DSTYK: variants seen among roughly 807,000 people sequenced by gnomAD.
DSTYK encodes dual serine/threonine and tyrosine protein kinase.
In DSTYK, 34 loss-of-function variants were observed where a neutral mutation model predicts 98.7. The observed-to-expected ratio is 0.34, with a 90% CI of 0.26 to 0.46. The LOEUF is 0.46. Ranked by LOEUF, DSTYK falls within the 20% of genes least tolerant of loss-of-function variation. The pLI is 1.00. For synonymous variants in DSTYK, 462 were observed against 457.3 expected, an observed-to-expected ratio of 1.01 and a Z score of -0.13; for missense variants, 962 against 1,181.7, an observed-to-expected ratio of 0.81 and a Z score of 2.73.
At chr1:205,149,254 A>G (rs1657335453) in intron 11 of DSTYK, among the ~76,000 whole-genome samples, 1 of 151,964 alleles carries the variant, frequency 6.6e-6, no homozygotes, top group African/African-American at 2.4e-5. Context: ...ATGACTATCT[A>G]CTTGGTTCAG....
Position 205,147,383 on chromosome 1 carries a change from A to G in DSTYK, c.*175T>C. The G allele has an allele frequency of 1.8e-6, 1 of 553,402 alleles. No individual in the cohort carries two copies. Among genetic ancestry groups the G allele is most frequent in the East Asian group, 2.8e-5 (1 of 35,700 alleles). The allele number at this position is 553,402 out of a possible 1,614,324, so 34.3% of individuals were successfully genotyped here. On this transcript the variant is annotated 3_prime_UTR_variant, in exon 13 of 13. Coordinates refer to ENST00000367162, the MANE Select transcript of DSTYK (RefSeq NM_015375.3). Reference sequence around the variant, plus strand: ...AGTGAGCTGCTGAATATGCTCAGTCATTCAACTCTTCACTGTCCAGGAGTC... The same window carrying G: ...AGTGAGCTGCTGAATATGCTCAGTCGTTCAACTCTTCACTGTCCAGGAGTC...
At chr1:205,148,414 T>C in intron 11 of DSTYK, 75 bp from the exon 12 acceptor site, 3 of 1,581,558 alleles carry the variant, frequency 1.9e-6, no homozygotes, top group Non-Finnish European at 1.7e-6. Flanking sequence ...CTTGCCTCAG[T>C]AGAGGGTTGG....
chr1:205,182,498 T>TAG (rs1553364859), intron 2 of DSTYK, among the ~76,000 whole-genome samples: 2 of 77,738 alleles, frequency 2.6e-5, no homozygotes, highest in Non-Finnish European at 4.5e-5. Context: ...TTAAAAACGG[T>TAG]AAAAAAAAAA....
intron 9 of DSTYK, 110 bp from the exon 10 acceptor site, chr1:205,157,496 C>T (rs543078238): frequency 1.6e-4 from 131 of 835,580 alleles, no homozygotes; most frequent in South Asian, 6.2e-4. Flanking sequence ...GGGGAAGAGC[C>T]GGGCACAGTG....
At chr1:205,209,791 C>T (rs1009264050) in intron 1 of DSTYK, among the ~76,000 whole-genome samples, 1 of 152,130 alleles carries the variant, frequency 6.6e-6, no homozygotes, top group Non-Finnish European at 1.5e-5. Context: ...TCATCCAGTT[C>T]TAAGCCTTGT....
rs758360038 is a variant in DSTYK at position 205,181,653 on chromosome 1, G to GGGGTGTGTGTGT, written c.654+5764_654+5765insACACACACACCC. Among the ~76,000 whole-genome samples, 43 of 84,046 alleles carry GGGGTGTGTGTGT rather than the reference G, an allele frequency of 5.1e-4. 1 individual carries two copies. Among genetic ancestry groups the GGGGTGTGTGTGT allele is most frequent in the East Asian group, 3.6e-3 (14 of 3,940 alleles). The allele number at this position is 84,046 out of a possible 152,430, so 55.1% of individuals were successfully genotyped here. On this transcript the variant is annotated intron_variant, in intron 2 of 12. Coordinates refer to ENST00000367162, the MANE Select transcript of DSTYK (RefSeq NM_015375.3). ...CACAGATGTGAGCCACAGATGTTGG[G>GGGGTGTGTGTGT]GTTTGTGTGTGTGTGTGTGTGTGTG...
At chr1:205,193,870 C>CA (rs61391440) in intron 1 of DSTYK, among the ~76,000 whole-genome samples, 9,897 of 97,820 alleles carry the variant, frequency 0.1, 440 homozygotes, top group Non-Finnish European at 0.13. Flanking sequence ...GACTCCGTCT[C>CA]AAAAAAAAAA....
chr1:205,161,791 C>T (rs916660987), intron 6 of DSTYK, among the ~76,000 whole-genome samples: 19 of 152,008 alleles, frequency 1.2e-4, no homozygotes, highest in Non-Finnish European at 2.1e-4. Context: ...TCCATTCTCC[C>T]GAGAGTTAGG....
intron 1 of DSTYK, among the ~76,000 whole-genome samples, chr1:205,206,251 T>G (rs1159805678): frequency 6.6e-6 from 1 of 152,040 alleles, no homozygotes; most frequent in Non-Finnish European, 1.5e-5. Flanking sequence ...CATAGCACCT[T>G]AGCAGGCACT....
chr1:205,169,455 G>A lies in DSTYK; in HGVS notation c.1032C>T (p.Ser344=), dbSNP rs1317412624. The A allele has an allele frequency of 1.2e-6, 2 of 1,614,122 alleles. No homozygotes were observed. Among genetic ancestry groups the A allele is most frequent in the Non-Finnish European group, 1.7e-6 (2 of 1,180,016 alleles). Residue 344 remains serine, a synonymous_variant, in exon 3 of 13, where the codon AGC becomes AGT. Coordinates refer to ENST00000367162, the MANE Select transcript of DSTYK (RefSeq NM_015375.3). This position sits in a 1 kb window ranked among gnomAD's most constrained non-coding sequence, Gnocchi z 4.0. ...VEQSEKLRHL[S]TFSHQVLQTR... ...TCTGTAACACCTGGTGAGAAAATGT[G>A]CTCAAGTGTCTCAGCTTTTCACTCT...
chr1:205,161,440 C>T, intron 6 of DSTYK, 53 bp from the exon 7 acceptor site: 2 of 1,586,224 alleles, frequency 1.3e-6, no homozygotes, highest in East Asian at 2.2e-5. Context: ...GCTTCAGCTT[C>T]CTCACCTGTT....
intron 1 of DSTYK, among the ~76,000 whole-genome samples, chr1:205,193,448 A>G (rs1461295418): frequency 5.3e-5 from 8 of 152,188 alleles, no homozygotes; most frequent in Non-Finnish European, 1.2e-4. Flanking sequence ...ACTTTGAACT[A>G]AAGGAGATTG....
chr1:205,157,133 C>A (rs747722126), intron 10 of DSTYK, 140 bp downstream of exon 10: 9 of 662,838 alleles, frequency 1.4e-5, no homozygotes, highest in Non-Finnish European at 2.4e-5. Flanking sequence ...TTAGGTATGT[C>A]TTTACTAGCA....
Position 205,175,104 on chromosome 1 carries a change from T to C in DSTYK, c.655-5272A>G, listed in dbSNP as rs568675518. ...TTGGCACCCACAAAGAAGCTGCCCTTTTTTTTTTTTTTTCTGAGACAGAGT... is the reference window on the plus strand; with the variant it reads ...TTGGCACCCACAAAGAAGCTGCCCTCTTTTTTTTTTTTTCTGAGACAGAGT... On this transcript the variant is annotated intron_variant, in intron 2 of 12. Coordinates refer to ENST00000367162, the MANE Select transcript of DSTYK (RefSeq NM_015375.3). Among the ~76,000 whole-genome samples the C allele has an allele frequency of 5.1e-4, 72 of 141,394 alleles. 1 individual carries two copies. In the East Asian group the frequency reaches 0.011, roughly 22 times the overall value. The allele number at this position is 141,394 out of a possible 152,430, so 92.8% of individuals were successfully genotyped here.
At chr1:205,153,371 C>T (rs1431745000) in intron 10 of DSTYK, among the ~76,000 whole-genome samples, 1 of 152,170 alleles carries the variant, frequency 6.6e-6, no homozygotes, top group African/African-American at 2.4e-5. Flanking sequence ...CTTCATCCTA[C>T]ATCTCTGATC....
At chr1:205,198,022 C>T (rs941907246) in intron 1 of DSTYK, among the ~76,000 whole-genome samples, 8 of 152,164 alleles carry the variant, frequency 5.3e-5, no homozygotes, top group South Asian at 2.1e-4. Flanking sequence ...GGAGAAACCC[C>T]GTCTCTATTA....
chr1:205,164,078 G>A (rs1239751766), intron 3 of DSTYK, 123 bp from the exon 4 acceptor site: 7 of 776,698 alleles, frequency 9.0e-6, no homozygotes, highest in Non-Finnish European at 1.3e-5. Flanking sequence ...AAAAAGACAT[G>A]ATTCGTTGAT....
chr1:205,192,677 T>C (rs1402178288), intron 1 of DSTYK, among the ~76,000 whole-genome samples: 1 of 151,746 alleles, frequency 6.6e-6, no homozygotes, highest in Non-Finnish European at 1.5e-5. Flanking sequence ...GCCTAGCCAA[T>C]ATGGTGAAAC....
At position 205,169,862 on chromosome 1, in the gene DSTYK, G is replaced by T; in HGVS notation, c.655-30C>A. ...AAGGGGAAGGGGGTCATATATCAGC[G>T]CCTCAGGGTCAGAACCAATCCCTGT... On this transcript the variant is annotated intron_variant, in intron 2 of 12. Coordinates refer to ENST00000367162, the MANE Select transcript of DSTYK (RefSeq NM_015375.3). This position sits in a 1 kb window ranked among gnomAD's most constrained non-coding sequence, Gnocchi z 4.0. 6.3e-7 allele frequency: 1 copy of T among 1,579,498 alleles called. No individual in the cohort carries two copies. The highest frequency in any genetic ancestry group is 8.6e-7 in the Non-Finnish European group (1 of 1,165,502).
Sources: allele counts gnomAD v4.1 joint callset (sites outside exome capture counted in the v4.1 genomes callset), GRCh38; gene constraint gnomAD v4.1.1; non-coding constraint Gnocchi (gnomAD v3.1); transcripts MANE v1.5; gene names NCBI Gene and HGNC (gene_info 2026-07-23, HGNC 2026-07-21).